The following KCNIP1 variants were observed in gnomAD, a reference collection of about 807,000 sequenced individuals.
KCNIP1 encodes the protein A-type potassium channel modulatory protein KCNIP1.
A neutral mutation model predicts 33.0 loss-of-function variants in KCNIP1; 18 were observed. The observed-to-expected ratio is 0.55, with a 90% CI of 0.38 to 0.81. KCNIP1 has a LOEUF of 0.81. Ranked by LOEUF, KCNIP1 falls within the 30% of genes least tolerant of loss-of-function variation. The probability of loss-of-function intolerance (pLI) is 0.00; values close to 1 mark genes in which losing one functional copy is unlikely to be tolerated. For synonymous variants in KCNIP1, 93 were observed against 98.3 expected (o/e 0.95, Z 0.32); for missense variants, 238 against 271.6 (o/e 0.88, Z 0.87).
intron 1 of KCNIP1, among the ~76,000 whole-genome samples, chr5:170,612,906 C>A (rs1297301429): frequency 3.0e-4 from 45 of 152,206 alleles, no homozygotes; most frequent in Admixed American, 2.9e-3. Flanking sequence ...TGGTTCCTTC[C>A]CCCAGGTCTC....
intron 1 of KCNIP1, among the ~76,000 whole-genome samples, chr5:170,545,790 T>G (rs935929347): frequency 2.6e-5 from 4 of 152,240 alleles, no homozygotes; most frequent in African/African-American, 9.6e-5. Context: ...ATAACCATAG[T>G]CAAAGTCCTG....
chr5:170,588,308 G>T (rs75862284), intron 1 of KCNIP1, among the ~76,000 whole-genome samples: 13,164 of 152,196 alleles, frequency 0.086, 638 homozygotes, highest in South Asian at 0.12. Context: ...ACACAGTCAG[G>T]AAGTGGAAAT....
chr5:170,388,098 G>T (rs887045634), intron 1 of KCNIP1, among the ~76,000 whole-genome samples: 5 of 152,234 alleles, frequency 3.3e-5, no homozygotes, highest in Admixed American at 6.5e-5. Context: ...CACTCCTGAG[G>T]CTGGTGAAGG....
Position 170,390,517 on chromosome 5 carries a change from A to AAAAAAAATATATATATATAT in KCNIP1, c.88+36554_88+36555insAAAAAATATATATATATATA. ...GACCCCGTCTCAAAAAAAAAAAACA[A>AAAAAAAATATATATATATAT]ATATATATATATATATATATATTTT... On this transcript the variant is annotated intron_variant, in intron 1 of 7. Coordinates refer to the KCNIP1 transcript ENST00000377360. Among the ~76,000 whole-genome samples the AAAAAAAATATATATATATAT allele has an allele frequency of 4.0e-5, 3 of 74,540 alleles. No individual in the cohort carries two copies. In the East Asian group the frequency reaches 1.2e-3, roughly 31 times the overall value. 48.9% of individuals were successfully genotyped at this position (74,540 alleles called of 152,430 possible). A position where few individuals can be genotyped will look rare whatever the true frequency, so the allele number is the denominator to read the frequency against.
intron 1 of KCNIP1, among the ~76,000 whole-genome samples, chr5:170,373,894 C>T (rs1320221269): frequency 1.3e-5 from 2 of 152,344 alleles, no homozygotes; most frequent in South Asian, 4.1e-4. Context: ...GTGAATTTCT[C>T]CATGTCTCTC....
intron 1 of KCNIP1, chr5:170,375,717 T>C (rs547685021): frequency 6.6e-6 from 1 of 152,316 alleles, no homozygotes; most frequent in Non-Finnish European, 1.5e-5. Flanking sequence ...ACTTTACAGA[T>C]GGCCTTGGCC....
chr5:170,735,283 G>T (rs965442838), intron 7 of KCNIP1, among the ~76,000 whole-genome samples: 1 of 152,016 alleles, frequency 6.6e-6, no homozygotes, highest in Non-Finnish European at 1.5e-5. Context: ...ATCCTCAAAT[G>T]TTCGGTATTA....
In KCNIP1 at chr5:170,661,943, G is replaced by A. The variant is rs534872478; in HGVS notation, c.62-56815G>A. On this transcript the variant is annotated intron_variant, in intron 1 of 7. Coordinates refer to ENST00000328939, the MANE Select transcript of KCNIP1 (RefSeq NM_014592.4). ...ACATAGAGCTTTCCTTGCAAGGCTCGAGCACAACGCAGCAGTCACTCCTTG... is the reference window on the plus strand; with the variant it reads ...ACATAGAGCTTTCCTTGCAAGGCTCAAGCACAACGCAGCAGTCACTCCTTG... Among the ~76,000 whole-genome samples the A allele has an allele frequency of 7.2e-4, 109 of 152,200 alleles. 1 individual carries two copies. In the South Asian group the frequency reaches 0.015, roughly 21 times the overall value.
intron 1 of KCNIP1, chr5:170,485,888 T>C (rs951584163): frequency 1.3e-5 from 2 of 152,250 alleles, no homozygotes; most frequent in Non-Finnish European, 2.9e-5. Context: ...TCATCAAGAC[T>C]GGAGGGACAG....
intron 1 of KCNIP1, among the ~76,000 whole-genome samples, chr5:170,362,461 A>G (rs964758234): frequency 1.3e-5 from 2 of 152,202 alleles, no homozygotes; most frequent in African/African-American, 2.4e-5. Flanking sequence ...AGGAAGTGCA[A>G]TTGAGGAGAA....
chr5:170,434,121 C>T (rs1012951224), intron 1 of KCNIP1, among the ~76,000 whole-genome samples: 10 of 152,146 alleles, frequency 6.6e-5, no homozygotes, highest in Admixed American at 4.6e-4. Context: ...TACTGGCTAT[C>T]GGGCCCCAAA....
intron 1 of KCNIP1, among the ~76,000 whole-genome samples, chr5:170,449,666 TAGAAC>T (rs901849987): frequency 1.1e-4 from 16 of 152,166 alleles, no homozygotes; most frequent in African/African-American, 3.6e-4. Flanking sequence ...ATAAGGAACT[TAGAAC>T]AGAACAGTGC....
At chr5:170,462,205 A>G (rs1239399085) in intron 1 of KCNIP1, among the ~76,000 whole-genome samples, 1 of 149,082 alleles carries the variant, frequency 6.7e-6, no homozygotes, top group Non-Finnish European at 1.5e-5. Flanking sequence ...AATCTTCACA[A>G]TCTATACATC....
At chr5:170,673,283 T>C (rs1172008452) in intron 1 of KCNIP1, among the ~76,000 whole-genome samples, 1 of 152,156 alleles carries the variant, frequency 6.6e-6, no homozygotes, top group Non-Finnish European at 1.5e-5. Flanking sequence ...CAGACCTGAG[T>C]TCAAATTCTA....
At chr5:170,517,993 T>C (rs1018818851) in intron 1 of KCNIP1, among the ~76,000 whole-genome samples, 2 of 151,432 alleles carry the variant, frequency 1.3e-5, no homozygotes, top group Admixed American at 1.3e-4. Context: ...GTGATGGTGG[T>C]GGTTATGGAG....
intron 1 of KCNIP1, among the ~76,000 whole-genome samples, chr5:170,431,150 A>T (rs1369962458): frequency 6.6e-6 from 1 of 152,190 alleles, no homozygotes; most frequent in African/African-American, 2.4e-5. Flanking sequence ...TCATTTTACA[A>T]GCAATTGGGT....
chr5:170,559,379 G>A, intron 1 of KCNIP1, among the ~76,000 whole-genome samples: 1 of 152,102 alleles, frequency 6.6e-6, no homozygotes, highest in South Asian at 2.1e-4. Context: ...TTCCTCCCCA[G>A]TATCTAGCAT....
chr5:170,538,455 A>G (rs1290538498), intron 1 of KCNIP1, among the ~76,000 whole-genome samples: 2 of 152,164 alleles, frequency 1.3e-5, no homozygotes, highest in African/African-American at 4.8e-5. Context: ...CAGTCTTGCC[A>G]GCTCCTGTTC....
chr5:170,576,569 A>G lies in KCNIP1; in HGVS notation c.61+71936A>G, dbSNP rs568326736. ...TGGACATACCCAATGCAAGCACAGG[A>G]TTGATCCTCCACTCTGCCCCCATAC... is the stretch of plus-strand genomic sequence containing the variant. On this transcript the variant is annotated intron_variant, in intron 1 of 7. Transcript: ENST00000328939. Among the ~76,000 whole-genome samples the G allele has an allele frequency of 5.3e-5, 8 of 152,322 alleles. No homozygotes were observed. The East Asian group carries it at 1.4e-3, about 26-fold the overall frequency.
Sources: gnomAD v4.1 joint callset for allele counts (sites outside exome capture counted in the v4.1 genomes callset) on GRCh38, gnomAD v4.1.1 for gene constraint, MANE v1.5 for transcripts, NCBI Gene and HGNC (gene_info 2026-07-23, HGNC 2026-07-21) for gene names.